THRB: variants seen among roughly 807,000 people sequenced by gnomAD.
The protein encoded by THRB is nuclear receptor subfamily 1 group A member 2.
Under a neutral mutation model 47.8 loss-of-function variants are expected in THRB, and 12 were observed. The ratio of observed to expected loss-of-function variants is 0.25; its 90% confidence interval spans 0.16 to 0.41. The LOEUF (loss-of-function observed/expected upper bound fraction) is 0.41, where lower values mean the gene tolerates loss of function less well. Ranked by LOEUF, THRB falls within the 10% of genes least tolerant of loss-of-function variation. The pLI is 1.00. For synonymous variants in THRB, 218 were observed against 212.2 expected, an observed-to-expected ratio of 1.03 and a Z score of -0.24; for missense variants, 348 against 589.2, an observed-to-expected ratio of 0.59 and a Z score of 4.24.
chr3:24,182,068 G>A (rs1451244641), intron 5 of THRB, among the ~76,000 whole-genome samples: 1 of 152,146 alleles, frequency 6.6e-6, no homozygotes, highest in African/African-American at 2.4e-5. Flanking sequence ...GGGCGTGGTG[G>A]CGGGCGCCTG....
At chr3:24,164,265 C>T (rs969934086) in intron 5 of THRB, among the ~76,000 whole-genome samples, 7 of 152,102 alleles carry the variant, frequency 4.6e-5, no homozygotes, top group African/African-American at 1.7e-4. Context: ...ATTTAAATAG[C>T]ATTATAAAGC....
At position 24,183,798 on chromosome 3, in the gene THRB, G is replaced by T. The variant is rs1005605768; in HGVS notation, c.283+6276C>A. On this transcript the variant is annotated intron_variant, in intron 5 of 10. Coordinates refer to ENST00000646209, the MANE Select transcript of THRB (RefSeq NM_001354712.2). ...ACTAAATGGACTGAGGGTTACAGAG[G>T]TTAAAAAATTTTCCCTGAGCTGATG... Among the ~76,000 whole-genome samples, 17 of 151,612 alleles carry T rather than the reference G, an allele frequency of 1.1e-4. No homozygotes were observed. In the East Asian group the frequency reaches 3.1e-3, roughly 28 times the overall value.
chr3:24,340,808 T>A (rs2062588592), intron 1 of THRB, among the ~76,000 whole-genome samples: 1 of 152,242 alleles, frequency 6.6e-6, no homozygotes, highest in South Asian at 2.1e-4. Flanking sequence ...TGCTAATATG[T>A]TATTAAACAT....
chr3:24,398,388 A>G (rs2067133626), intron 1 of THRB, among the ~76,000 whole-genome samples: 1 of 152,232 alleles, frequency 6.6e-6, no homozygotes, highest in Non-Finnish European at 1.5e-5. Context: ...TTTACAAGAA[A>G]AAAACAACCC....
At position 24,430,709 on chromosome 3, in the gene THRB, T is replaced by C. The variant is rs187629358; in HGVS notation, c.-261+63943A>G. ...AAATTACTAACCATAAAAGAAGAAA[T>C]TGACAAATTTGACTACATTAAAATT... On this transcript the variant is annotated intron_variant, in intron 1 of 10. Transcript: ENST00000646209. 686 of 152,104 alleles carry C rather than the reference T, an allele frequency of 4.5e-3. 6 individuals carry two copies. Among genetic ancestry groups the C allele is most frequent in the African/African-American group, 0.015 (640 of 41,520 alleles). The allele number at this position is 152,104 out of a possible 1,614,324, so 9.4% of individuals were successfully genotyped here.
At chr3:24,174,077 T>G (rs2040813307) in intron 5 of THRB, among the ~76,000 whole-genome samples, 1 of 72,242 alleles carries the variant, frequency 1.4e-5, no homozygotes, top group East Asian at 2.6e-4. Flanking sequence ...ACGTGCAGGT[T>G]TGTTACATAG....
intron 5 of THRB, among the ~76,000 whole-genome samples, chr3:24,187,399 C>T (rs1051885016): frequency 1.3e-5 from 2 of 152,218 alleles, no homozygotes; most frequent in Non-Finnish European, 2.9e-5. Context: ...GGCAGATGGG[C>T]TCACTGCACA....
rs542156183 is a variant in THRB, at chr3:24,281,543, C to A, written c.-43+15683G>T. On this transcript the variant is annotated intron_variant, in intron 3 of 10. Coordinates refer to ENST00000646209, the MANE Select transcript of THRB (RefSeq NM_001354712.2). ...CGCATCAACTAACGAGCAAAATCAC[C>A]AGCTAACATCATAATGACAGGATCA... 4.1e-5 allele frequency among the ~76,000 whole-genome samples: 6 copies of A among 147,590 alleles called. No homozygotes were observed. The Admixed American group carries it at 4.1e-4, about 10-fold the overall frequency.
intron 2 of THRB, among the ~76,000 whole-genome samples, chr3:24,301,536 T>C (rs765470668): frequency 2.6e-5 from 4 of 151,810 alleles, no homozygotes; most frequent in Non-Finnish European, 5.9e-5. Flanking sequence ...TGTTTGGTCA[T>C]GCAATTAAAA....
In THRB at chr3:24,281,024, T is replaced by C. The variant is rs1473422241; in HGVS notation, c.-43+16202A>G. On this transcript the variant is annotated intron_variant, in intron 3 of 10. Transcript: ENST00000646209. ...TTGGAAAACACTCTGCAGGATATCA[T>C]CCAGGAGAACTTCCCCAATCTAGCA... 3.3e-5 allele frequency among the ~76,000 whole-genome samples: 5 copies of C among 152,046 alleles called. No individual in the cohort carries two copies. The East Asian group carries it at 5.8e-4, about 18-fold the overall frequency.
At chr3:24,479,281 G>C (rs984998124) in intron 1 of THRB, among the ~76,000 whole-genome samples, 4 of 152,334 alleles carry the variant, frequency 2.6e-5, no homozygotes, top group African/African-American at 7.2e-5. Context: ...CAGTCTGGGG[G>C]ACAGAGCGAG....
intron 1 of THRB, among the ~76,000 whole-genome samples, chr3:24,461,355 C>T (rs757933687): frequency 3.9e-5 from 6 of 152,210 alleles, no homozygotes; most frequent in Admixed American, 6.5e-5. Flanking sequence ...GAGAATTAAG[C>T]GTAATGTTTA....
chr3:24,468,970 G>C (rs1251278193), intron 1 of THRB, among the ~76,000 whole-genome samples: 1 of 152,120 alleles, frequency 6.6e-6, no homozygotes, highest in South Asian at 2.1e-4. Context: ...GGTAAAGCAG[G>C]GTTCAATAAA....
chr3:24,331,190 T>C (rs2061905814), intron 2 of THRB, among the ~76,000 whole-genome samples: 1 of 152,184 alleles, frequency 6.6e-6, no homozygotes, highest in South Asian at 2.1e-4. Flanking sequence ...GTTAATTTCT[T>C]TCTTATTTGG....
chr3:24,129,951 C>G (rs367545683), intron 9 of THRB, among the ~76,000 whole-genome samples: 4 of 152,314 alleles, frequency 2.6e-5, no homozygotes, highest in South Asian at 4.1e-4. Context: ...GTTTGAATAG[C>G]AGATGTGATA....
intron 1 of THRB, among the ~76,000 whole-genome samples, chr3:24,447,853 G>A (rs1254891231): frequency 6.6e-6 from 1 of 151,914 alleles, no homozygotes; most frequent in East Asian, 2.0e-4. Flanking sequence ...TGGTATCGGA[G>A]GAGTTTGAAC....
intron 3 of THRB, among the ~76,000 whole-genome samples, chr3:24,275,071 C>A (rs565500050): frequency 3.1e-4 from 47 of 152,182 alleles, no homozygotes; most frequent in African/African-American, 1.1e-3. Context: ...TTGATTTACA[C>A]GGCAGCTTGT....
intron 3 of THRB, among the ~76,000 whole-genome samples, chr3:24,259,896 T>A (rs2051769347): frequency 6.6e-6 from 1 of 152,154 alleles, no homozygotes; most frequent in African/African-American, 2.4e-5. Flanking sequence ...GCAGCTTTAT[T>A]GAGATATGAT....
chr3:24,343,643 T>G (rs2062826145), intron 1 of THRB, among the ~76,000 whole-genome samples: 1 of 152,044 alleles, frequency 6.6e-6, no homozygotes, highest in Non-Finnish European at 1.5e-5. Flanking sequence ...TCTCCCATGT[T>G]CACCACAGAG....
Sources: gnomAD v4.1 joint callset for allele counts (sites outside exome capture counted in the v4.1 genomes callset) on GRCh38, gnomAD v4.1.1 for gene constraint, MANE v1.5 for transcripts, NCBI Gene and HGNC (gene_info 2026-07-23, HGNC 2026-07-21) for gene names.